INSC: variants seen among roughly 807,000 people sequenced by gnomAD.
The protein encoded by INSC is INSC spindle orientation adaptor protein, also known as protein inscuteable homolog.
In INSC, 67 loss-of-function variants were observed where a neutral mutation model predicts 58.6. The ratio of observed to expected loss-of-function variants is 1.14; its 90% confidence interval spans 0.94 to 1.40. INSC has a LOEUF of 1.40. Among genes scored for constraint, INSC ranks in the 40% most tolerant of loss-of-function variants. The probability of loss-of-function intolerance (pLI) is 0.00; values close to 1 mark genes in which losing one functional copy is unlikely to be tolerated. For synonymous variants in INSC, 262 were observed against 276.1 expected, an observed-to-expected ratio of 0.95 and a Z score of 0.51; for missense variants, 714 against 692.0, an observed-to-expected ratio of 1.03 and a Z score of -0.36.
intron 4 of INSC, among the ~76,000 whole-genome samples, chr11:15,177,685 C>T (rs539319877): frequency 6.6e-6 from 1 of 152,356 alleles, no homozygotes; most frequent in Admixed American, 6.5e-5. Flanking sequence ...CACTCAGCCT[C>T]ACATGTATAC....
chr11:15,255,254 A>T, the INSC span, among the ~76,000 whole-genome samples: 3 of 152,242 alleles, frequency 2.0e-5, no homozygotes, highest in African/African-American at 7.2e-5. Flanking sequence ...TTTGAAAAAA[A>T]GTTTACATTT....
upstream of INSC, among the ~76,000 whole-genome samples, chr11:15,113,119 C>CTTTCTTTCTTTCTTTCTT (rs1554899333): frequency 5.5e-5 from 4 of 73,262 alleles, no homozygotes; most frequent in Non-Finnish European, 1.2e-4. Flanking sequence ...TTCTCTCTCT[C>CTTTCTTTCTTTCTTTCTT]TCTTTCTTTC....
At position 15,245,945 on chromosome 11, in the gene INSC, G is replaced by T; in HGVS notation, c.1504G>T (p.Glu502Ter). The change falls in exon 13 of 13, where the codon GAA becomes TAA. Residue 502 changes from glutamate (E) to a stop codon, truncating the protein, a stop_gained. Coordinates refer to ENST00000379556, the MANE Select transcript of INSC (RefSeq NM_001042536.3). LOFTEE classifies it high-confidence loss of function. ...GCGTAGATTGGCTGGGGTCTGCCCT[G>T]AAGGCCTCCAGGACTCTGACTTTCA... ...ALRRLAGVCP[E>*]GLQDSDFQQL... The T allele has an allele frequency of 6.2e-7, 1 of 1,614,202 alleles. No homozygotes were observed. Among genetic ancestry groups the T allele is most frequent in the South Asian group, 1.1e-5 (1 of 91,084 alleles).
intron 7 of INSC, among the ~76,000 whole-genome samples, chr11:15,205,232 A>G (rs1399360859): frequency 2.6e-5 from 4 of 152,238 alleles, no homozygotes; most frequent in Admixed American, 1.3e-4. Context: ...TAAAATAAAA[A>G]ATAAGTAAAC....
intron 6 of INSC, among the ~76,000 whole-genome samples, chr11:15,194,608 G>T (rs184691674): frequency 6.6e-6 from 1 of 152,306 alleles, no homozygotes; most frequent in East Asian, 1.9e-4. Flanking sequence ...TAACATTTGA[G>T]TGTTGCTGTG....
At chr11:15,182,118 G>T (rs1390233380) in intron 5 of INSC, among the ~76,000 whole-genome samples, 3 of 152,032 alleles carry the variant, frequency 2.0e-5, no homozygotes, top group Admixed American at 1.3e-4. Context: ...TAATTAAAAG[G>T]GTTCAAAAAG....
At chr11:15,149,087 C>G in intron 1 of INSC, 43 bp from the exon 2 acceptor site, 1 of 1,511,406 alleles carries the variant, frequency 6.6e-7, no homozygotes. Context: ...ATTGTGCCTC[C>G]TCTTTTAGGA....
intron 9 of INSC, among the ~76,000 whole-genome samples, chr11:15,228,469 C>G (rs2133948955): frequency 6.6e-6 from 1 of 152,298 alleles, no homozygotes; most frequent in South Asian, 2.1e-4. Flanking sequence ...CTCAGGATGG[C>G]TTCACCTTCT....
intron 6 of INSC, among the ~76,000 whole-genome samples, chr11:15,197,912 C>T (rs975289786): frequency 5.3e-5 from 8 of 152,254 alleles, no homozygotes; most frequent in South Asian, 2.1e-4. Flanking sequence ...GCTCTGAGCC[C>T]GGAGCTTTCT....
intron 1 of INSC, among the ~76,000 whole-genome samples, chr11:15,146,407 G>A (rs1947254514): frequency 6.6e-6 from 1 of 152,176 alleles, no homozygotes; most frequent in African/African-American, 2.4e-5. Context: ...TAATGACATA[G>A]TCTGTGAATA....
chr11:15,252,675 C>G, the INSC span, among the ~76,000 whole-genome samples: 1 of 152,168 alleles, frequency 6.6e-6, no homozygotes, highest in Non-Finnish European at 1.5e-5. Context: ...TGACTTCTGA[C>G]ACATTTTGTT....
intron 6 of INSC, 120 bp downstream of exon 6, chr11:15,190,934 C>G (rs2133861135): frequency 1.5e-6 from 1 of 673,538 alleles, no homozygotes; most frequent in Non-Finnish European, 2.7e-6. Flanking sequence ...GCTGCTGAGT[C>G]TCCTTGGGAG....
intron 12 of INSC, among the ~76,000 whole-genome samples, 155 bp downstream of exon 12, chr11:15,240,678 T>C (rs150294787): frequency 6.6e-5 from 10 of 152,354 alleles, no homozygotes; most frequent in Non-Finnish European, 1.3e-4. Flanking sequence ...TTGTAATATT[T>C]GTTTCACTTA....
chr11:15,112,591 AGTGTGTGTGTGTGTGTGTGTGT>A (rs375142839), upstream of INSC: 14 of 367,232 alleles, frequency 3.8e-5, no homozygotes, highest in Admixed American at 2.4e-4. Context: ...GGTGGATGTG[AGTGTGTGTGTGTGTGTGTGTGT>A]GTGTGTGTGT....
intron 1 of INSC, among the ~76,000 whole-genome samples, chr11:15,141,884 G>A (rs781037491): frequency 6.6e-6 from 1 of 152,068 alleles, no homozygotes; most frequent in African/African-American, 2.4e-5. Context: ...ATTAATCCTT[G>A]TTGCTGGTCT....
At chr11:15,178,595 C>A in intron 5 of INSC, 148 bp downstream of exon 5, 1 of 1,023,226 alleles carries the variant, frequency 9.8e-7, no homozygotes, top group Non-Finnish European at 1.4e-6. Context: ...TCAACTCCAG[C>A]ATTTGTGAAA....
At chr11:15,185,675 G>A (rs1849938055) in intron 5 of INSC, among the ~76,000 whole-genome samples, 1 of 151,990 alleles carries the variant, frequency 6.6e-6, no homozygotes, top group Non-Finnish European at 1.5e-5. Context: ...TAAATTTAAT[G>A]AATGATGCAG....
intron 7 of INSC, among the ~76,000 whole-genome samples, chr11:15,219,765 C>G (rs563254353): frequency 6.6e-6 from 1 of 152,332 alleles, no homozygotes; most frequent in Admixed American, 6.5e-5. Flanking sequence ...CCTATAGCTT[C>G]TTAGCAACGA....
chr11:15,178,570 C>A, intron 5 of INSC, 123 bp downstream of exon 5: 1 of 1,190,582 alleles, frequency 8.4e-7, no homozygotes, highest in Non-Finnish European at 1.1e-6. Context: ...AAACATCTTA[C>A]TCAAACCACC....
Sources: allele counts gnomAD v4.1 joint callset (sites outside exome capture counted in the v4.1 genomes callset), GRCh38; gene constraint gnomAD v4.1.1; transcripts MANE v1.5; gene names NCBI Gene and HGNC (gene_info 2026-07-23, HGNC 2026-07-21).